Variants in EXOSC5 observed in about 807,000 individuals in gnomAD.
EXOSC5 encodes the protein exosome component 5.
EXOSC5 carries 15 observed loss-of-function variants against 23.7 expected under a neutral mutation model. That is an observed-to-expected ratio of 0.63 (90% CI 0.42 to 0.97). EXOSC5 has a LOEUF of 0.97. EXOSC5 is among the 50% of genes least tolerant of loss of function. EXOSC5 has a pLI of 0.00. For missense variants in EXOSC5, 305 were observed against 316.3 expected (o/e 0.96, Z 0.27); for synonymous variants, 143 against 140.9 (o/e 1.02, Z -0.11).
Position 41,389,812 on chromosome 19 carries a change from C to G in EXOSC5, c.478G>C (p.Asp160His). ...TCCAGCACGAGGGTCCCATCAGAGT[C>G]CAGGGCGCAGGCGACCCCACAGAAG... Reference protein sequence around the residue: ...ALFCGVACALDSDGTLVLDPT... With the variant: ...ALFCGVACALHSDGTLVLDPT... Residue 160 changes from aspartate to histidine, a missense_variant, in exon 4 of 6, where the codon GAC becomes CAC. By Grantham distance (81) the Asp-to-His change is moderately conservative (BLOSUM62 -1). Coordinates refer to ENST00000221233, the MANE Select transcript of EXOSC5 (RefSeq NM_020158.4). 1 of 1,614,174 alleles carries G rather than the reference C, an allele frequency of 6.2e-7. No homozygotes were observed. Among genetic ancestry groups the G allele is most frequent in the African/African-American group, 1.3e-5 (1 of 75,048 alleles).
rs1177204316 is a variant in EXOSC5, at chr19:41,386,666, C to G, written c.675G>C (p.Arg225=). ...AASQHVFRFY[R]ESLQRRYSKS is the part of the protein sequence containing the mutation. ...TGGAGTAACGCCTCTGCAGCGATTCCCGGTAGAAACGGAAGACGTGTTGCG... is the reference window on the plus strand; with the variant it reads ...TGGAGTAACGCCTCTGCAGCGATTCGCGGTAGAAACGGAAGACGTGTTGCG... Residue 225 remains arginine, a synonymous_variant, in exon 6 of 6, where the codon CGG becomes CGC. Transcript: ENST00000221233. 1 of 1,601,946 alleles carries G rather than the reference C, an allele frequency of 6.2e-7. No homozygotes were observed.
At chr19:41,388,070 C>T (rs779057850) in intron 4 of EXOSC5, among the ~76,000 whole-genome samples, 2 of 152,220 alleles carry the variant, frequency 1.3e-5, no homozygotes, top group African/African-American at 2.4e-5. Context: ...AAGCATCAAG[C>T]GCAGCCATTT....
chr19:41,395,530 G>A (rs560202988), intron 1 of EXOSC5, among the ~76,000 whole-genome samples: 17 of 152,230 alleles, frequency 1.1e-4, no homozygotes, highest in African/African-American at 4.1e-4. Context: ...ACTCCATTGC[G>A]GCAGCTCAAC....
chr19:41,395,165 C>T (rs1459343264), intron 1 of EXOSC5, among the ~76,000 whole-genome samples: 7 of 152,102 alleles, frequency 4.6e-5, no homozygotes, highest in African/African-American at 1.2e-4. Flanking sequence ...TTAGGTATCT[C>T]AATTCAGCAT....
chr19:41,389,351 C>T (rs113157474), intron 4 of EXOSC5, among the ~76,000 whole-genome samples: 2,497 of 152,182 alleles, frequency 0.016, 78 homozygotes, highest in African/African-American at 0.056. Flanking sequence ...CCACAACCTC[C>T]GCGTCCTGGG....
chr19:41,397,319 C>T lies in EXOSC5; in HGVS notation c.10G>A (p.Glu4Lys). The change falls in exon 1 of 6, where the codon GAG becomes AAG. Residue 4 changes from glutamate to lysine, a missense_variant. By Grantham distance (56) the Glu-to-Lys change is moderately conservative. Transcript: ENST00000221233. MEEETHTDAKIRAE... is the reference protein window; with the variant it reads MEEKTHTDAKIRAE... ...CGGATTTTGGCGTCAGTATGCGTCT[C>T]CTCCTCCATCGCGCCGAGCCCACGT... is the stretch of plus-strand genomic sequence containing the variant. 6.2e-7 allele frequency: 1 copy of T among 1,611,418 alleles called. No homozygotes were observed. The highest frequency in any genetic ancestry group is 8.5e-7 in the Non-Finnish European group (1 of 1,177,764).
intron 1 of EXOSC5, among the ~76,000 whole-genome samples, chr19:41,396,551 C>A (rs2039066326): frequency 6.6e-6 from 1 of 151,384 alleles, no homozygotes. Context: ...TGGAGTTAAT[C>A]TACTTCTGAG....
At chr19:41,394,302 G>T (rs1166467216) in intron 1 of EXOSC5, among the ~76,000 whole-genome samples, 1 of 151,698 alleles carries the variant, frequency 6.6e-6, no homozygotes, top group Non-Finnish European at 1.5e-5. Context: ...TGCTGGAACC[G>T]GGGAGGCGGA....
chr19:41,391,749 G>C, intron 3 of EXOSC5, 92 bp downstream of exon 3: 1 of 1,428,180 alleles, frequency 7.0e-7, no homozygotes, highest in Non-Finnish European at 9.1e-7. Context: ...AGTGTTTGAA[G>C]GCTTTCTGGC....
Position 41,389,867 on chromosome 19 carries a change from C to T in EXOSC5, c.423G>A (p.Leu141=). 1 of 1,613,496 alleles carries T rather than the reference C, an allele frequency of 6.2e-7. No homozygotes were observed. The highest frequency in any genetic ancestry group is 8.5e-7 in the Non-Finnish European group (1 of 1,179,748). ...ACCLNAACMA[L]VDAGVPMRAL... The stretch of plus-strand genomic sequence containing the variant: ...CCCGCATGGGCACACCTGCATCCAC[C>T]AATGCCATGCAGGCGGCATTCAGAC... Residue 141 remains leucine (L), a synonymous_variant, in exon 4 of 6, where the codon TTG becomes TTA. Transcript: ENST00000221233.
intron 1 of EXOSC5, among the ~76,000 whole-genome samples, chr19:41,396,036 A>G (rs1414159719): frequency 1.3e-5 from 2 of 152,042 alleles, no homozygotes; most frequent in African/African-American, 4.8e-5. Flanking sequence ...GGCTGGAGCC[A>G]CCATCACCTC....
In EXOSC5 at chr19:41,391,919, G is replaced by A. The variant is rs373660399; in HGVS notation, c.306C>T (p.Cys102=). 71 of 1,578,074 alleles carry A rather than the reference G, an allele frequency of 4.5e-5. 1 individual carries two copies. The highest frequency in any genetic ancestry group is 1.6e-4 in the South Asian group (14 of 85,986). ...KSRERLIRNT[C]EAVVLGTLHP... Reference sequence around the variant, plus strand: ...GCAACGTGCCCAGCACCACCGCCTCGCACGTGTTCCTGATCAGCCGCTCCC... The same window carrying A: ...GCAACGTGCCCAGCACCACCGCCTCACACGTGTTCCTGATCAGCCGCTCCC... Residue 102 remains cysteine, a synonymous_variant, in exon 3 of 6, where the codon TGC becomes TGT. Transcript: ENST00000221233.
intron 1 of EXOSC5, among the ~76,000 whole-genome samples, chr19:41,396,266 A>G (rs2039062587): frequency 6.6e-6 from 1 of 151,878 alleles, no homozygotes; most frequent in African/African-American, 2.4e-5. Flanking sequence ...CTGGAGTACA[A>G]TGGCACGATC....
intron 1 of EXOSC5, among the ~76,000 whole-genome samples, chr19:41,394,651 G>A (rs142595455): frequency 1.6e-4 from 24 of 152,212 alleles, no homozygotes; most frequent in Middle Eastern, 3.4e-3. Context: ...CAGAGTAGCT[G>A]AGATTACAGG....
intron 3 of EXOSC5, among the ~76,000 whole-genome samples, chr19:41,390,298 G>A (rs2039014739): frequency 6.6e-6 from 1 of 152,164 alleles, no homozygotes. Flanking sequence ...CCAGGCTGAT[G>A]CCTATGGCAG....
rs747260633 is a variant in EXOSC5 at position 41,389,801 on chromosome 19, C to T, written c.489G>A (p.Gly163=). ...CGVACALDSD[G]TLVLDPTSKQ... is the part of the protein sequence containing the mutation. ...TGGATGTAGGATCCAGCACGAGGGT[C>T]CCATCAGAGTCCAGGGCGCAGGCGA... The change falls in exon 4 of 6, where the codon GGG becomes GGA. Residue 163 remains glycine (G), a synonymous_variant. Coordinates refer to ENST00000221233, the MANE Select transcript of EXOSC5 (RefSeq NM_020158.4). 1.1e-5 allele frequency: 17 copies of T among 1,614,010 alleles called. No homozygotes were observed. The highest frequency in any genetic ancestry group is 1.4e-5 in the Non-Finnish European group (16 of 1,179,996).
At position 41,387,472 on chromosome 19, in the gene EXOSC5, G is replaced by A. The variant is rs370300283; in HGVS notation, c.615+42C>T. ...TTGGGACAAGACCGTATGTCAGTGGGAAGGAAGGTTCTGGCTTTTCCCCTC... is the reference window on the plus strand; with the variant it reads ...TTGGGACAAGACCGTATGTCAGTGGAAAGGAAGGTTCTGGCTTTTCCCCTC... On this transcript the variant is annotated intron_variant, in intron 5 of 5. Coordinates refer to ENST00000221233, the MANE Select transcript of EXOSC5 (RefSeq NM_020158.4). The A allele has an allele frequency of 1.1e-4, 166 of 1,488,856 alleles. 1 individual carries two copies. In the South Asian group the frequency reaches 2.0e-3, roughly 18 times the overall value. The allele number at this position is 1,488,856 out of a possible 1,614,324, so 92.2% of individuals were successfully genotyped here. A position where few individuals can be genotyped will look rare whatever the true frequency, so the allele number is the denominator to read the frequency against.
intron 4 of EXOSC5, 100 bp downstream of exon 4, chr19:41,389,665 G>T: frequency 6.7e-7 from 1 of 1,484,222 alleles, no homozygotes; most frequent in South Asian, 1.3e-5. Context: ...GTGGGATTGA[G>T]GTGGCATGAG....
intron 4 of EXOSC5, among the ~76,000 whole-genome samples, chr19:41,388,013 C>G (rs1021635790): frequency 3.3e-5 from 5 of 152,218 alleles, no homozygotes; most frequent in African/African-American, 7.2e-5. Context: ...ACTCCGGACC[C>G]TTGGCCTCCA....
Sources: allele counts gnomAD v4.1 joint callset (sites outside exome capture counted in the v4.1 genomes callset), GRCh38; gene constraint gnomAD v4.1.1; transcripts MANE v1.5; gene names NCBI Gene and HGNC (gene_info 2026-07-23, HGNC 2026-07-21).